SH3PXD2A: variants seen among roughly 807,000 people sequenced by gnomAD.
SH3PXD2A encodes SH3 and PX domains 2A, also known as SH3 and PX domain-containing protein 2A.
In SH3PXD2A, 32 loss-of-function variants were observed where a neutral mutation model predicts 115.2. The ratio of observed to expected loss-of-function variants is 0.28; its 90% CI spans 0.21 to 0.37. The LOEUF is 0.37. Ranked by LOEUF, SH3PXD2A falls within the 10% of genes least tolerant of loss-of-function variation. SH3PXD2A has a pLI of 1.00. For missense variants in SH3PXD2A, 1,328 were observed against 1,498.7 expected, an observed-to-expected ratio of 0.89 and a Z score of 1.88; for synonymous variants, 610 against 629.1, an observed-to-expected ratio of 0.97 and a Z score of 0.45.
chr10:103,829,009 T>C (rs929541443), intron 1 of SH3PXD2A, among the ~76,000 whole-genome samples: 1 of 152,222 alleles, frequency 6.6e-6, no homozygotes, highest in African/African-American at 2.4e-5. Context: ...TTCCACCCTT[T>C]TGAAGTCTCC....
chr10:103,818,293 G>A (rs987968117), intron 1 of SH3PXD2A, among the ~76,000 whole-genome samples: 1 of 152,206 alleles, frequency 6.6e-6, no homozygotes, highest in African/African-American at 2.4e-5. Context: ...GCATGCTTGT[G>A]TGGGTAGACG....
At chr10:103,736,242 C>T (rs1165955622) in intron 3 of SH3PXD2A, among the ~76,000 whole-genome samples, 1 of 152,242 alleles carries the variant, frequency 6.6e-6, no homozygotes, top group Non-Finnish European at 1.5e-5. Context: ...GCAGGAATTC[C>T]TATTCTTAGT....
Position 103,633,727 on chromosome 10 carries a change from C to CCAAAA in SH3PXD2A, c.605-6526_605-6525insTTTTG, listed in dbSNP as rs1554905367. The stretch of plus-strand genomic sequence containing the variant: ...TAGGCGATGGAGCAAGATTCTGTCT[C>CCAAAA]AAAAAAAAAAAAAAAAAAAAAAAAA... On this transcript the variant is annotated intron_variant, in intron 8 of 14. Transcript: ENST00000369774. 2.2e-3 allele frequency among the ~76,000 whole-genome samples: 162 copies of CCAAAA among 74,354 alleles called. 39 individuals are homozygous for CCAAAA. The highest frequency in any genetic ancestry group is 7.0e-3 in the South Asian group (10 of 1,426). 48.8% of individuals were successfully genotyped at this position (74,354 alleles called of 152,430 possible).
At position 103,611,646 on chromosome 10, in the gene SH3PXD2A, T is replaced by C; in HGVS notation, c.1259-16A>G. ...TTCGGGGAGCCTAGAGGAAGAGACATGGCTTCAGAAATCCTAGTCAGACGA... is the reference window on the plus strand; with the variant it reads ...TTCGGGGAGCCTAGAGGAAGAGACACGGCTTCAGAAATCCTAGTCAGACGA... On this transcript the variant is annotated splice_polypyrimidine_tract_variant and intron_variant, in intron 12 of 14. Transcript: ENST00000369774. 1.9e-6 allele frequency: 3 copies of C among 1,612,202 alleles called. No homozygotes were observed. Among genetic ancestry groups the C allele is most frequent in the Middle Eastern group, 3.3e-4 (2 of 6,062 alleles).
intron 2 of SH3PXD2A, among the ~76,000 whole-genome samples, chr10:103,779,969 G>A (rs1424458576): frequency 6.6e-6 from 1 of 152,164 alleles, no homozygotes; most frequent in Non-Finnish European, 1.5e-5. Context: ...GAAGGCAAAC[G>A]GCTTTAACCT....
intron 5 of SH3PXD2A, among the ~76,000 whole-genome samples, chr10:103,703,293 C>T (rs1367110551): frequency 1.3e-5 from 2 of 152,234 alleles, no homozygotes; most frequent in Non-Finnish European, 2.9e-5. Flanking sequence ...ATGTGACAAA[C>T]CCACAAGCAC....
At chr10:103,803,203 C>A (rs1347663032) in intron 1 of SH3PXD2A, among the ~76,000 whole-genome samples, 2 of 152,128 alleles carry the variant, frequency 1.3e-5, no homozygotes, top group African/African-American at 2.4e-5. Context: ...CCAAAGCAAA[C>A]AGGTCTGAGT....
chr10:103,722,400 A>G (rs930381618), intron 5 of SH3PXD2A, among the ~76,000 whole-genome samples: 1 of 152,090 alleles, frequency 6.6e-6, no homozygotes, highest in African/African-American at 2.4e-5. Flanking sequence ...ACAGGGCTTA[A>G]TCACTATTCC....
intron 5 of SH3PXD2A, 169 bp from the exon 6 acceptor site, chr10:103,693,225 G>GCGCA (rs1193116151): frequency 6.0e-6 from 1 of 167,504 alleles, no homozygotes; most frequent in Admixed American, 6.6e-5. Flanking sequence ...ACTGCGCGCC[G>GCGCA]CGCCCGCCCG....
At chr10:103,737,995 A>G (rs1255307086) in intron 3 of SH3PXD2A, among the ~76,000 whole-genome samples, 1 of 152,096 alleles carries the variant, frequency 6.6e-6, no homozygotes, top group African/African-American at 2.4e-5. Context: ...CTGCCCCCAC[A>G]CTACATGGAG....
intron 8 of SH3PXD2A, among the ~76,000 whole-genome samples, chr10:103,650,716 A>T (rs2134021744): frequency 6.6e-6 from 1 of 151,910 alleles, no homozygotes; most frequent in African/African-American, 2.4e-5. Flanking sequence ...GACAGTATTC[A>T]TGAAAGCTCA....
chr10:103,830,703 T>C (rs1404226166), intron 1 of SH3PXD2A, among the ~76,000 whole-genome samples: 4 of 152,164 alleles, frequency 2.6e-5, no homozygotes, highest in Admixed American at 6.5e-5. Context: ...CTTATAAATA[T>C]AGTATTGAGT....
intron 1 of SH3PXD2A, among the ~76,000 whole-genome samples, chr10:103,830,714 A>G (rs919953642): frequency 1.3e-5 from 2 of 152,206 alleles, no homozygotes; most frequent in Non-Finnish European, 2.9e-5. Context: ...AGTATTGAGT[A>G]AAAAGGGAGA....
chr10:103,836,723 T>C (rs1196804117), intron 1 of SH3PXD2A, among the ~76,000 whole-genome samples: 2 of 151,220 alleles, frequency 1.3e-5, no homozygotes, highest in East Asian at 3.9e-4. Flanking sequence ...TTTTCTCCCT[T>C]TGTTTTCTTA....
intron 4 of SH3PXD2A, among the ~76,000 whole-genome samples, chr10:103,724,869 G>A (rs1239061509): frequency 6.6e-6 from 1 of 151,966 alleles, no homozygotes; most frequent in African/African-American, 2.4e-5. Context: ...GGAACCCTGA[G>A]GGAATTCCCT....
chr10:103,727,185 G>A (rs1662841921), intron 4 of SH3PXD2A, among the ~76,000 whole-genome samples: 1 of 152,194 alleles, frequency 6.6e-6, no homozygotes, highest in Non-Finnish European at 1.5e-5. Context: ...TGGGGACACT[G>A]AGGCTGCTGG....
At chr10:103,662,354 G>C (rs1312892601) in intron 7 of SH3PXD2A, among the ~76,000 whole-genome samples, 1 of 26,458 alleles carries the variant, frequency 3.8e-5, no homozygotes, top group African/African-American at 1.6e-4. Context: ...GGGGGGGGGC[G>C]GGGGGGGATA....
At chr10:103,614,473 A>C (rs1203259108) in intron 11 of SH3PXD2A, among the ~76,000 whole-genome samples, 1 of 151,596 alleles carries the variant, frequency 6.6e-6, no homozygotes. Context: ...CAAAACAAAA[A>C]CAAAACAAAA....
intron 5 of SH3PXD2A, among the ~76,000 whole-genome samples, chr10:103,696,502 C>A (rs2037825991): frequency 6.6e-6 from 1 of 152,148 alleles, no homozygotes; most frequent in African/African-American, 2.4e-5. Context: ...CCCCCCTCTT[C>A]CCATCAGTCC....
Sources: allele counts gnomAD v4.1 joint callset (sites outside exome capture counted in the v4.1 genomes callset), GRCh38; gene constraint gnomAD v4.1.1; transcripts MANE v1.5; gene names NCBI Gene and HGNC (gene_info 2026-07-23, HGNC 2026-07-21).